TMEM11: variants seen among roughly 807,000 people sequenced by gnomAD.
The protein encoded by TMEM11 is transmembrane protein 11.
Under a neutral mutation model 17.0 loss-of-function variants are expected in TMEM11, and 1 was observed. That is an observed-to-expected ratio of 0.06 (90% CI 0.02 to 0.28). The LOEUF is 0.28. Among genes scored for constraint, TMEM11 ranks in the 10% least tolerant of loss-of-function variants. The pLI is 1.00. For synonymous variants in TMEM11, 122 were observed against 118.1 expected, an observed-to-expected ratio of 1.03 and a Z score of -0.21; for missense variants, 172 against 252.9, an observed-to-expected ratio of 0.68 and a Z score of 2.17.
chr17:21,210,765 A>C (rs971910005), intron 1 of TMEM11, among the ~76,000 whole-genome samples: 11 of 152,248 alleles, frequency 7.2e-5, no homozygotes, highest in African/African-American at 2.7e-4. Flanking sequence ...CGCGCAAGCC[A>C]GGGGAGGGGC....
chr17:21,198,338 G>A lies in TMEM11; in HGVS notation c.565C>T (p.Leu189Phe), dbSNP rs1164405725. Reference protein sequence around the residue: ...LVYCVKKIYELYAV With the variant: ...LVYCVKKIYEFYAV ...TTCTACTGAAATCATACGGCATAGA[G>A]TTCGTAAATCTTCTTTACACAGTAC... Residue 189 changes from leucine to phenylalanine, a missense_variant, in exon 2 of 2, where the codon CTC (leucine) becomes TTC (phenylalanine). By Grantham distance (22) the Leu-to-Phe change is conservative (BLOSUM62 0). This residue lies in a region of TMEM11 where 123 missense variants were observed against 213.6 expected (regional missense o/e 0.58). Transcript: ENST00000317635. This position sits in a 1 kb window ranked among gnomAD's most constrained non-coding sequence, Gnocchi z 6.5. 1 of 1,612,376 alleles carries A rather than the reference G, an allele frequency of 6.2e-7. No individual in the cohort carries two copies. The highest frequency in any genetic ancestry group is 8.5e-7 in the Non-Finnish European group (1 of 1,178,528).
chr17:21,205,468 G>A (rs993960861), intron 1 of TMEM11, among the ~76,000 whole-genome samples: 1 of 152,164 alleles, frequency 6.6e-6, no homozygotes, highest in Admixed American at 6.6e-5. Context: ...GGAGGAGGCA[G>A]GCCAGGGTAA....
At chr17:21,202,282 C>CA (rs1974890304) in intron 1 of TMEM11, among the ~76,000 whole-genome samples, 1 of 152,210 alleles carries the variant, frequency 6.6e-6, no homozygotes, top group Non-Finnish European at 1.5e-5. Context: ...TACTGACTGT[C>CA]AAAGCCAGGC....
intron 1 of TMEM11, among the ~76,000 whole-genome samples, chr17:21,210,665 G>A (rs1312821966): frequency 2.0e-5 from 3 of 152,184 alleles, no homozygotes; most frequent in African/African-American, 4.8e-5. Flanking sequence ...ACAAAGAAGA[G>A]GACAGGTCCT....
chr17:21,206,808 C>A (rs1179561014), intron 1 of TMEM11, among the ~76,000 whole-genome samples: 5 of 152,140 alleles, frequency 3.3e-5, no homozygotes, highest in Non-Finnish European at 7.4e-5. Flanking sequence ...GCATGAGCCA[C>A]CATGCCTGGC....
intron 1 of TMEM11, among the ~76,000 whole-genome samples, chr17:21,199,328 G>GAAAAAAAAAAAAAAAAAAA (rs58031189): frequency 5.1e-5 from 4 of 78,296 alleles, no homozygotes; most frequent in African/African-American, 1.1e-4. Context: ...CTCAGTCTCA[G>GAAAAAAAAAAAAAAAAAAA]AAAAAAAAAA....
chr17:21,208,023 C>T (rs1490206098), intron 1 of TMEM11, among the ~76,000 whole-genome samples: 3 of 147,502 alleles, frequency 2.0e-5, no homozygotes, highest in East Asian at 4.0e-4. Context: ...GACGGAGTCT[C>T]GCTCTGTCGC....
chr17:21,208,186 G>A (rs1974965100), intron 1 of TMEM11, among the ~76,000 whole-genome samples: 1 of 150,212 alleles, frequency 6.7e-6, no homozygotes, highest in South Asian at 2.1e-4. Context: ...TAGAGACGGG[G>A]TTTCACTGTG....
At chr17:21,210,951 G>C (rs562828731) in intron 1 of TMEM11, 1 of 1,284,354 alleles carries the variant, frequency 7.8e-7, no homozygotes, top group South Asian at 1.2e-5. Flanking sequence ...AACAATCACG[G>C]AGGGCTCTGG....
intron 1 of TMEM11, among the ~76,000 whole-genome samples, chr17:21,201,194 T>A (rs1339014340): frequency 6.6e-6 from 1 of 152,242 alleles, no homozygotes; most frequent in East Asian, 1.9e-4. Flanking sequence ...GGGCTGACTG[T>A]GCCCCCAAGC....
chr17:21,198,453 T>C lies in TMEM11; in HGVS notation c.450A>G (p.Thr150=), dbSNP rs780978717. The C allele has an allele frequency of 1.9e-6, 3 of 1,613,958 alleles. No homozygotes were observed. The highest frequency in any genetic ancestry group is 4.5e-5 in the East Asian group (2 of 44,890). Residue 150 remains threonine, a synonymous_variant, in exon 2 of 2, where the codon ACA becomes ACG. Coordinates refer to ENST00000317635, the MANE Select transcript of TMEM11 (RefSeq NM_003876.3). This position sits in a 1 kb window ranked among gnomAD's most constrained non-coding sequence, Gnocchi z 6.5. ...GCACCACCGGGGTGGAGGAGGTGAG[T>C]GTGTGCAGAGGCAGGCGCGACAGTT... The part of the protein sequence containing the change: ...AYKLSRLPLH[T]LTSSTPVVLV...
At chr17:21,207,776 T>C (rs1974958371) in intron 1 of TMEM11, among the ~76,000 whole-genome samples, 2 of 145,926 alleles carry the variant, frequency 1.4e-5, no homozygotes, top group South Asian at 4.5e-4. Flanking sequence ...TAATCCCAGC[T>C]ACTCAGGAGG....
rs75862619 is a variant in TMEM11, at chr17:21,205,776, C to G, written c.63-6936G>C. ...CCCAATGAATCTGACTATACAAGTA[C>G]TTCATACAAGTTGGATCATATATAG... On this transcript the variant is annotated intron_variant, in intron 1 of 1. Transcript: ENST00000317635. Among the ~76,000 whole-genome samples, 11 of 151,912 alleles carry G rather than the reference C, an allele frequency of 7.2e-5. No individual in the cohort carries two copies. In the East Asian group the frequency reaches 2.1e-3, roughly 29 times the overall value.
chr17:21,201,922 C>G (rs1008064107), intron 1 of TMEM11, among the ~76,000 whole-genome samples: 1 of 152,220 alleles, frequency 6.6e-6, no homozygotes, highest in African/African-American at 2.4e-5. Context: ...CATGAGCTAC[C>G]GCATCCAGCC....
At chr17:21,201,091 A>G (rs942389867) in intron 1 of TMEM11, among the ~76,000 whole-genome samples, 5 of 152,210 alleles carry the variant, frequency 3.3e-5, no homozygotes, top group Non-Finnish European at 7.3e-5. Context: ...CAAACAAATA[A>G]GCAAACCTAA....
intron 1 of TMEM11, chr17:21,213,738 G>A (rs999640914): frequency 3.6e-6 from 1 of 281,322 alleles, no homozygotes; most frequent in Non-Finnish European, 6.7e-6. Context: ...GCCCAGGCGG[G>A]AAGGGTGCTT....
chr17:21,207,829 A>G (rs1974959145), intron 1 of TMEM11, among the ~76,000 whole-genome samples: 1 of 151,734 alleles, frequency 6.6e-6, no homozygotes, highest in Non-Finnish European at 1.5e-5. Flanking sequence ...TAGAGGTTGC[A>G]GTGAGCCAAG....
intron 1 of TMEM11, among the ~76,000 whole-genome samples, chr17:21,203,226 A>T (rs1000239197): frequency 2.0e-5 from 3 of 152,152 alleles, no homozygotes; most frequent in African/African-American, 7.2e-5. Flanking sequence ...ACACACACAG[A>T]CGCACCCAAA....
chr17:21,207,296 G>C (rs1038271264), intron 1 of TMEM11, among the ~76,000 whole-genome samples: 2 of 151,982 alleles, frequency 1.3e-5, no homozygotes, highest in Non-Finnish European at 2.9e-5. Flanking sequence ...TTGGGAGGCT[G>C]AGGTGGGCAG....
Sources: gnomAD v4.1 joint callset for allele counts (sites outside exome capture counted in the v4.1 genomes callset) on GRCh38, gnomAD v4.1.1 for gene constraint, gnomAD v4.1.1 regional missense constraint, Gnocchi (gnomAD v3.1) non-coding constraint, MANE v1.5 for transcripts, NCBI Gene and HGNC (gene_info 2026-07-23, HGNC 2026-07-21) for gene names.